The following SP100 variants were observed in gnomAD, a reference collection of about 807,000 sequenced individuals.
SP100 encodes SP100 nuclear body protein, also known as nuclear autoantigen Sp-100.
In SP100, 84 loss-of-function variants were observed where a neutral mutation model predicts 130.0. The ratio of observed to expected loss-of-function variants is 0.65; its 90% CI spans 0.54 to 0.77. The LOEUF is 0.77. SP100 is among the 30% of genes least tolerant of loss of function. The pLI is 0.00. For synonymous variants in SP100, 331 were observed against 351.7 expected, an observed-to-expected ratio of 0.94 and a Z score of 0.66; for missense variants, 978 against 1,052.2, an observed-to-expected ratio of 0.93 and a Z score of 0.97.
At chr2:230,439,705 A>G in intron 2 of SP100, among the ~76,000 whole-genome samples, 1 of 152,006 alleles carries the variant, frequency 6.6e-6, no homozygotes. Flanking sequence ...TTGTATCCTG[A>G]AACTTAACTG....
At chr2:230,521,646 GCTGGAC>G (rs1327821909) in intron 24 of SP100, among the ~76,000 whole-genome samples, 1 of 152,174 alleles carries the variant, frequency 6.6e-6, no homozygotes, top group Non-Finnish European at 1.5e-5. Flanking sequence ...GCAGTGAGCA[GCTGGAC>G]CTAGATCAGG....
At chr2:230,493,968 G>T in intron 17 of SP100, 1 of 170,980 alleles carries the variant, frequency 5.8e-6, no homozygotes, top group South Asian at 1.4e-4. Context: ...TGTTGATCAG[G>T]CTGGTCTCAA....
chr2:230,419,072 A>G (rs539925640), intron 2 of SP100, among the ~76,000 whole-genome samples: 2 of 152,298 alleles, frequency 1.3e-5, no homozygotes, highest in East Asian at 3.9e-4. Flanking sequence ...AATGTCTCCT[A>G]TTAAAATTTG....
At chr2:230,458,221 T>G (rs2064387481) in intron 8 of SP100, among the ~76,000 whole-genome samples, 1 of 152,226 alleles carries the variant, frequency 6.6e-6, no homozygotes, top group Non-Finnish European at 1.5e-5. Flanking sequence ...AAACAGATGA[T>G]AACACATATT....
At chr2:230,423,291 G>A (rs936105013) in intron 2 of SP100, among the ~76,000 whole-genome samples, 1 of 152,114 alleles carries the variant, frequency 6.6e-6, no homozygotes, top group Non-Finnish European at 1.5e-5. Context: ...TTGGGAGAAA[G>A]TTGTATAGAA....
chr2:230,463,432 C>T (rs2064772538), intron 10 of SP100, among the ~76,000 whole-genome samples: 1 of 152,006 alleles, frequency 6.6e-6, no homozygotes, highest in Non-Finnish European at 1.5e-5. Flanking sequence ...AGAAATATGC[C>T]ACTTTAGGGA....
chr2:230,474,094 A>G (rs763658367), intron 16 of SP100, among the ~76,000 whole-genome samples: 4 of 152,204 alleles, frequency 2.6e-5, no homozygotes, highest in Non-Finnish European at 5.9e-5. Context: ...AACTCTTGCA[A>G]GTAAGATATT....
chr2:230,503,334 C>T (rs111631211), intron 20 of SP100, among the ~76,000 whole-genome samples: 9,962 of 152,082 alleles, frequency 0.066, 429 homozygotes, highest in Non-Finnish European at 0.094. Flanking sequence ...GCAATGTGCA[C>T]GTTCTTTTTT....
rs747792360 is a variant in SP100, at chr2:230,449,636, C to G, written c.662C>G (p.Thr221Arg). The G allele has an allele frequency of 3.1e-6, 5 of 1,614,084 alleles. No individual in the cohort carries two copies. The highest frequency in any genetic ancestry group is 4.2e-6 in the Non-Finnish European group (5 of 1,179,980). The part of the protein sequence containing the change: ...TEQINAKRKD[T>R]TSDKDDSLGS... ...CAGATAAATGCAAAGAGAAAAGATA[C>G]AACCAGTGACAAAGATGATTCGCTA... is the stretch of plus-strand genomic sequence containing the variant. Residue 221 changes from threonine (T) to arginine (R), a missense_variant, in exon 7 of 29, where the codon ACA (threonine) becomes AGA (arginine). Thr to Arg is a moderately conservative substitution (Grantham distance 71). Transcript: ENST00000340126.
chr2:230,523,780 G>T (rs1231387724), intron 24 of SP100, among the ~76,000 whole-genome samples: 1 of 151,806 alleles, frequency 6.6e-6, no homozygotes, highest in East Asian at 1.9e-4. Context: ...ATGGTGGCGG[G>T]TGCCTATAAT....
intron 8 of SP100, among the ~76,000 whole-genome samples, chr2:230,455,637 TA>T (rs1343772022): frequency 6.6e-6 from 1 of 152,232 alleles, no homozygotes; most frequent in Non-Finnish European, 1.5e-5. Context: ...TACTGATAGG[TA>T]AGTACTTTCT....
At chr2:230,469,229 T>C (rs1221859263) in intron 14 of SP100, 133 bp downstream of exon 14, 5 of 635,220 alleles carry the variant, frequency 7.9e-6, no homozygotes, top group Non-Finnish European at 1.4e-5. Flanking sequence ...CATTTTACAT[T>C]TTCAATTAGA....
At chr2:230,438,441 C>G (rs369392552) in intron 2 of SP100, among the ~76,000 whole-genome samples, 1 of 152,012 alleles carries the variant, frequency 6.6e-6, no homozygotes, top group Non-Finnish European at 1.5e-5. Context: ...ACCCTTTCCC[C>G]TGAGTCCCCA....
At chr2:230,450,738 C>T (rs1351780004) in intron 8 of SP100, among the ~76,000 whole-genome samples, 2 of 152,124 alleles carry the variant, frequency 1.3e-5, no homozygotes, top group Non-Finnish European at 2.9e-5. Context: ...TCTTTCCATG[C>T]CTGTCTTATT....
Position 230,503,229 on chromosome 2 carries a change from C to T in SP100, c.1765+119C>T, listed in dbSNP as rs147220272. 2.2e-4 allele frequency: 134 copies of T among 607,156 alleles called. 1 individual carries two copies. The highest frequency in any genetic ancestry group is 1.9e-3 in the Middle Eastern group (4 of 2,120). 37.6% of individuals were successfully genotyped at this position (607,156 alleles called of 1,614,324 possible). A position where few individuals can be genotyped will look rare whatever the true frequency, so the allele number is the denominator to read the frequency against. On this transcript the variant is annotated intron_variant, in intron 20 of 28. Transcript: ENST00000340126. ...TATGGAGCTAGTACTGGAGCCTTAA[C>T]GTTGACCAGCAGTTCATTTTAAGAC...
intron 17 of SP100, among the ~76,000 whole-genome samples, chr2:230,480,648 A>G (rs557061012): frequency 6.6e-6 from 1 of 152,198 alleles, no homozygotes; most frequent in South Asian, 2.1e-4. Context: ...GTGTAGAGCA[A>G]TGCTGGAAGG....
At chr2:230,426,756 T>A (rs1043142817) in intron 2 of SP100, among the ~76,000 whole-genome samples, 1 of 152,216 alleles carries the variant, frequency 6.6e-6, no homozygotes, top group African/African-American at 2.4e-5. Flanking sequence ...TATATGTTTG[T>A]TAGGTCTATT....
chr2:230,511,706 T>C (rs1212771990), intron 24 of SP100, among the ~76,000 whole-genome samples: 1 of 152,164 alleles, frequency 6.6e-6, no homozygotes, highest in Non-Finnish European at 1.5e-5. Flanking sequence ...ATTGCCACTC[T>C]TGAGGGAGGT....
intron 5 of SP100, among the ~76,000 whole-genome samples, chr2:230,447,318 C>T (rs180694953): frequency 5.4e-4 from 83 of 152,332 alleles, no homozygotes; most frequent in African/African-American, 1.9e-3. Flanking sequence ...TGACACCAAA[C>T]ATGTCGGTGA....
Sources: allele counts gnomAD v4.1 joint callset (sites outside exome capture counted in the v4.1 genomes callset), GRCh38; gene constraint gnomAD v4.1.1; transcripts MANE v1.5; gene names NCBI Gene and HGNC (gene_info 2026-07-23, HGNC 2026-07-21).